Variants in ADAM12 observed in about 807,000 individuals in gnomAD.
ADAM12 encodes the protein ADAM metallopeptidase domain 12, also known as disintegrin and metalloproteinase domain-containing protein 12.
A neutral mutation model predicts 106.4 loss-of-function variants in ADAM12; 70 were observed. The observed-to-expected ratio is 0.66, with a 90% CI of 0.54 to 0.80. ADAM12 has a LOEUF of 0.80. Among genes scored for constraint, ADAM12 ranks in the 30% least tolerant of loss-of-function variants. ADAM12 has a pLI of 0.00. For synonymous variants in ADAM12, 420 were observed against 433.5 expected (o/e 0.97, Z 0.39); for missense variants, 1,010 against 1,171.9 (o/e 0.86, Z 2.02).
intron 8 of ADAM12, among the ~76,000 whole-genome samples, chr10:126,103,586 G>T (rs534913171): frequency 6.6e-6 from 1 of 152,292 alleles, no homozygotes; most frequent in South Asian, 2.1e-4. Flanking sequence ...TGGAACACAG[G>T]CCAGCTAACC....
At chr10:126,112,229 G>A (rs1184949317) in intron 6 of ADAM12, among the ~76,000 whole-genome samples, 1 of 151,958 alleles carries the variant, frequency 6.6e-6, no homozygotes, top group Non-Finnish European at 1.5e-5. Flanking sequence ...GTTGAGGGGT[G>A]GGGGATGAGA....
chr10:126,246,655 G>A (rs555371028), intron 3 of ADAM12, among the ~76,000 whole-genome samples: 3 of 152,262 alleles, frequency 2.0e-5, no homozygotes, highest in South Asian at 2.1e-4. Context: ...TTCAAAAGAC[G>A]CAGAAAAGGC....
chr10:126,368,207 G>A (rs1454999438), intron 1 of ADAM12, among the ~76,000 whole-genome samples: 1 of 151,818 alleles, frequency 6.6e-6, no homozygotes, highest in African/African-American at 2.4e-5. Flanking sequence ...TGAAACCTAG[G>A]TAGGTCTCAT....
chr10:126,227,776 C>A (rs1469851678), intron 3 of ADAM12, among the ~76,000 whole-genome samples: 1 of 152,146 alleles, frequency 6.6e-6, no homozygotes, highest in African/African-American at 2.4e-5. Context: ...ACTGAACAAT[C>A]CTTCTGACAA....
At chr10:126,349,797 T>C (rs1232133064) in intron 1 of ADAM12, among the ~76,000 whole-genome samples, 1 of 152,184 alleles carries the variant, frequency 6.6e-6, no homozygotes, top group Non-Finnish European at 1.5e-5. Flanking sequence ...ATCAGATCTA[T>C]AACAATGCAA....
chr10:126,148,096 G>T (rs1482511613), intron 4 of ADAM12, among the ~76,000 whole-genome samples: 2 of 151,890 alleles, frequency 1.3e-5, no homozygotes, highest in African/African-American at 2.4e-5. Flanking sequence ...GGCAGCAAAG[G>T]ATAAAGCCAC....
chr10:126,340,858 A>G (rs1217216669), intron 1 of ADAM12, among the ~76,000 whole-genome samples: 1 of 151,826 alleles, frequency 6.6e-6, no homozygotes, highest in Non-Finnish European at 1.5e-5. Flanking sequence ...CTGGGTTTAT[A>G]GGTGCCCCCA....
At chr10:126,337,121 C>T (rs1001224207) in intron 1 of ADAM12, among the ~76,000 whole-genome samples, 5 of 152,186 alleles carry the variant, frequency 3.3e-5, no homozygotes, top group African/African-American at 9.7e-5. Context: ...TACAAGGCGA[C>T]GTCCCAGGAC....
At chr10:126,377,637 A>G (rs1856341267) in intron 1 of ADAM12, among the ~76,000 whole-genome samples, 1 of 152,122 alleles carries the variant, frequency 6.6e-6, no homozygotes, top group African/African-American at 2.4e-5. Context: ...CTTCAATCCA[A>G]TCAAGCTTAA....
At chr10:126,252,210 A>T (rs1315502037) in intron 3 of ADAM12, among the ~76,000 whole-genome samples, 2 of 29,514 alleles carry the variant, frequency 6.8e-5, no homozygotes, top group East Asian at 1.7e-3. Flanking sequence ...AGATGGATGG[A>T]TTAGATGGAT....
At chr10:126,207,429 C>A (rs953054172) in intron 3 of ADAM12, among the ~76,000 whole-genome samples, 1 of 151,784 alleles carries the variant, frequency 6.6e-6, no homozygotes, top group African/African-American at 2.4e-5. Context: ...TAATTAAGGT[C>A]TGATATTTTA....
In ADAM12 at chr10:126,071,505, C is replaced by T; in HGVS notation, c.1295G>A (p.Gly432Glu). Residue 432 changes from glycine to glutamate, a missense_variant, in exon 12 of 23, where the codon GGA becomes GAA. Coordinates refer to ENST00000448723, the MANE Select transcript of ADAM12 (RefSeq NM_001288973.2). ...QKCGNRFVEE[G>E]EECDCGEPEE... is the part of the protein sequence containing the mutation. Reference sequence around the variant, plus strand: ...TGGCTCCCCACAGTCACACTCCTCTCCTTCTTCCACAAATCTGTTCCCACA... The same window carrying T: ...TGGCTCCCCACAGTCACACTCCTCTTCTTCTTCCACAAATCTGTTCCCACA... 2.5e-6 allele frequency: 4 copies of T among 1,614,152 alleles called. No homozygotes were observed. The highest frequency in any genetic ancestry group is 3.4e-6 in the Non-Finnish European group (4 of 1,180,032).
intron 2 of ADAM12, among the ~76,000 whole-genome samples, chr10:126,285,371 A>G (rs956711363): frequency 6.6e-6 from 1 of 152,204 alleles, no homozygotes; most frequent in Non-Finnish European, 1.5e-5. Flanking sequence ...TATCTACTAC[A>G]CTGCCTCTTA....
At chr10:126,199,240 C>G (rs1329691590) in intron 3 of ADAM12, among the ~76,000 whole-genome samples, 1 of 152,148 alleles carries the variant, frequency 6.6e-6, no homozygotes, top group East Asian at 1.9e-4. Flanking sequence ...GATTTCAAAG[C>G]CTTGGACAAT....
At chr10:126,381,988 C>T (rs1856510824) in intron 1 of ADAM12, among the ~76,000 whole-genome samples, 1 of 144,128 alleles carries the variant, frequency 6.9e-6, no homozygotes, top group Admixed American at 7.0e-5. Context: ...AAAAAAAAAA[C>T]AATAATAATA....
At chr10:126,060,791 C>G (rs1954738743) in intron 14 of ADAM12, among the ~76,000 whole-genome samples, 3 of 152,212 alleles carry the variant, frequency 2.0e-5, no homozygotes, top group Admixed American at 2.0e-4. Context: ...GCCCTCCCCT[C>G]CAGATCCAGG....
At chr10:126,185,320 T>C (rs1318962504) in intron 3 of ADAM12, among the ~76,000 whole-genome samples, 1 of 152,258 alleles carries the variant, frequency 6.6e-6, no homozygotes, top group African/African-American at 2.4e-5. Context: ...CAGCTTTCTT[T>C]TGTGGAATTT....
rs759155425 is a variant in ADAM12 at position 126,388,120 on chromosome 10, G to C, written c.26C>G (p.Ser9Cys). MAARPLPV[S>C]PARALLLALA... ...GGCGAGCAGGAGGGCGCGGGCGGGGGACACGGGCAGCGGGCGCGCTGCCAT... is the reference window on the plus strand; with the variant it reads ...GGCGAGCAGGAGGGCGCGGGCGGGGCACACGGGCAGCGGGCGCGCTGCCAT... The change falls in exon 1 of 23, where the codon TCC becomes TGC. Residue 9 changes from serine to cysteine, a missense_variant. Ser to Cys is a moderately radical substitution (Grantham distance 112). Transcript: ENST00000448723. This position sits in a 1 kb window ranked among gnomAD's most constrained non-coding sequence, Gnocchi z 4.4. 9.0e-6 allele frequency: 11 copies of C among 1,222,602 alleles called. No individual in the cohort carries two copies. The highest frequency in any genetic ancestry group is 1.1e-5 in the Non-Finnish European group (11 of 981,752). The allele number at this position is 1,222,602 out of a possible 1,614,324, so 75.7% of individuals were successfully genotyped here. A position where few individuals can be genotyped will look rare whatever the true frequency, so the allele number is the denominator to read the frequency against.
intron 3 of ADAM12, among the ~76,000 whole-genome samples, chr10:126,199,223 A>G (rs1957652441): frequency 1.3e-5 from 2 of 152,210 alleles, no homozygotes; most frequent in Non-Finnish European, 2.9e-5. Flanking sequence ...AAAGTGTAAG[A>G]AAAAGTGATT....
Sources: gnomAD v4.1 joint callset for allele counts (sites outside exome capture counted in the v4.1 genomes callset) on GRCh38, gnomAD v4.1.1 for gene constraint, Gnocchi (gnomAD v3.1) non-coding constraint, MANE v1.5 for transcripts, NCBI Gene and HGNC (gene_info 2026-07-23, HGNC 2026-07-21) for gene names.